Variants in RARB observed in about 807,000 individuals in gnomAD.
RARB encodes HBV-activated protein.
RARB carries 17 observed loss-of-function variants against 51.9 expected under a neutral mutation model. That is an observed-to-expected ratio of 0.33 (90% CI 0.22 to 0.49). RARB has a LOEUF of 0.49. Ranked by LOEUF, RARB falls within the 20% of genes least tolerant of loss-of-function variation. The pLI, the probability that RARB is intolerant of heterozygous loss-of-function variation, is 0.99. For synonymous variants in RARB, 215 were observed against 195.4 expected, an observed-to-expected ratio of 1.10 and a Z score of -0.84; for missense variants, 369 against 550.8, an observed-to-expected ratio of 0.67 and a Z score of 3.30.
At chr3:25,191,228 A>G (rs1183017828) in intron 5 of RARB, among the ~76,000 whole-genome samples, 1 of 152,162 alleles carries the variant, frequency 6.6e-6, no homozygotes, top group Non-Finnish European at 1.5e-5. Context: ...CAATACTGGC[A>G]GCAATATTGC....
chr3:25,277,160 G>C (rs1703414220), intron 5 of RARB, among the ~76,000 whole-genome samples: 1 of 152,164 alleles, frequency 6.6e-6, no homozygotes, highest in Non-Finnish European at 1.5e-5. Flanking sequence ...TTCAAGGCAT[G>C]ATTTAAAATG....
intron 5 of RARB, among the ~76,000 whole-genome samples, chr3:25,321,483 C>T (rs969824074): frequency 7.3e-5 from 11 of 151,704 alleles, no homozygotes; most frequent in Non-Finnish European, 1.3e-4. Context: ...TTTGGGAGGC[C>T]GAGGCAGTCC....
intron 5 of RARB, among the ~76,000 whole-genome samples, chr3:25,278,176 G>A (rs1703437371): frequency 6.6e-6 from 1 of 152,182 alleles, no homozygotes; most frequent in African/African-American, 2.4e-5. Flanking sequence ...TTTTGGTGTG[G>A]TGTGGTGGTT....
intron 5 of RARB, among the ~76,000 whole-genome samples, chr3:25,286,181 C>A (rs906401347): frequency 7.5e-6 from 1 of 133,392 alleles, no homozygotes; most frequent in East Asian, 2.2e-4. Context: ...CTCCATCTCC[C>A]GGGTTCACGC....
intron 5 of RARB, among the ~76,000 whole-genome samples, chr3:25,244,053 C>T (rs374310736): frequency 1.3e-5 from 2 of 152,048 alleles, no homozygotes; most frequent in African/African-American, 2.4e-5. Flanking sequence ...GTGTATGTGT[C>T]CAGGAATCTA....
chr3:24,920,668 C>T (rs1348174073), intron 2 of RARB, among the ~76,000 whole-genome samples: 1 of 152,150 alleles, frequency 6.6e-6, no homozygotes, highest in Non-Finnish European at 1.5e-5. Context: ...TGTTTTTCAT[C>T]TCCTACACTG....
intron 2 of RARB, among the ~76,000 whole-genome samples, chr3:24,873,458 T>C (rs1459042202): frequency 6.6e-6 from 1 of 152,056 alleles, no homozygotes; most frequent in African/African-American, 2.4e-5. Flanking sequence ...TAAACATTAA[T>C]ATATTATTCC....
intron 2 of RARB, among the ~76,000 whole-genome samples, chr3:25,044,023 C>T (rs929839955): frequency 6.8e-6 from 1 of 147,034 alleles, no homozygotes. Context: ...CTCAGGTTTT[C>T]CCATTTTTTT....
chr3:24,966,048 A>G (rs758123844), intron 2 of RARB, among the ~76,000 whole-genome samples: 6 of 152,238 alleles, frequency 3.9e-5, no homozygotes, highest in Non-Finnish European at 5.9e-5. Context: ...GTTGGGAAAC[A>G]TATTCAGAAA....
chr3:25,565,289 T>C (rs1429557357), intron 3 of RARB, among the ~76,000 whole-genome samples: 1 of 152,186 alleles, frequency 6.6e-6, no homozygotes, highest in Admixed American at 6.5e-5. Context: ...GGTATAATAG[T>C]GATATCTACT....
chr3:25,190,720 C>T (rs1701081499), intron 5 of RARB, among the ~76,000 whole-genome samples: 1 of 152,130 alleles, frequency 6.6e-6, no homozygotes, highest in African/African-American at 2.4e-5. Flanking sequence ...GAAAGGGTCT[C>T]CTCCCCACTT....
chr3:25,591,925 C>T (rs141647707), intron 5 of RARB, among the ~76,000 whole-genome samples: 1 of 152,272 alleles, frequency 6.6e-6, no homozygotes, highest in Non-Finnish European at 1.5e-5. Context: ...AAGCATGTGA[C>T]CATTGCAGTA....
chr3:25,149,626 T>A (rs1700249995), intron 4 of RARB, among the ~76,000 whole-genome samples: 1 of 152,210 alleles, frequency 6.6e-6, no homozygotes, highest in South Asian at 2.1e-4. Flanking sequence ...ACTATTTAAA[T>A]TGTTTCTTTC....
intron 1 of RARB, among the ~76,000 whole-genome samples, chr3:25,448,175 C>T (rs1297782732): frequency 1.3e-5 from 2 of 152,070 alleles, no homozygotes; most frequent in Admixed American, 6.5e-5. Flanking sequence ...CGAGTTCATA[C>T]TTCCAACCAT....
At chr3:25,010,440 TG>T (rs1206978487) in intron 2 of RARB, among the ~76,000 whole-genome samples, 1 of 152,018 alleles carries the variant, frequency 6.6e-6, no homozygotes, top group African/African-American at 2.4e-5. Context: ...TAACAAAAAG[TG>T]TGATATTTTA....
At chr3:25,038,306 T>C (rs1698040665) in intron 2 of RARB, among the ~76,000 whole-genome samples, 1 of 152,102 alleles carries the variant, frequency 6.6e-6, no homozygotes, top group South Asian at 2.1e-4. Context: ...ATGTAATGAA[T>C]GCAATGGAAA....
At chr3:24,967,230 A>G (rs1412149174) in intron 2 of RARB, among the ~76,000 whole-genome samples, 1 of 152,058 alleles carries the variant, frequency 6.6e-6, no homozygotes. Context: ...CACAGTTGGT[A>G]TCACTCCCAT....
At chr3:24,901,142 AAAAG>A (rs1278366595) in intron 2 of RARB, among the ~76,000 whole-genome samples, 2 of 152,222 alleles carry the variant, frequency 1.3e-5, no homozygotes. Context: ...AATGGCATTA[AAAAG>A]AAAGAACAGT....
intron 2 of RARB, among the ~76,000 whole-genome samples, chr3:24,959,682 G>A (rs975085716): frequency 6.6e-6 from 1 of 152,164 alleles, no homozygotes; most frequent in Non-Finnish European, 1.5e-5. Flanking sequence ...CCTATCACAT[G>A]TGGCTGAGAT....
Sources: allele counts gnomAD v4.1 joint callset (sites outside exome capture counted in the v4.1 genomes callset), GRCh38; gene constraint gnomAD v4.1.1; transcripts MANE v1.5; gene names NCBI Gene and HGNC (gene_info 2026-07-23, HGNC 2026-07-21).